Variants in NEB observed in about 807,000 individuals in gnomAD.
The protein encoded by NEB is nemaline myopathy type 2.
A neutral mutation model predicts 952.2 loss-of-function variants in NEB; 512 were observed. The observed-to-expected ratio is 0.54, with a 90% confidence interval of 0.50 to 0.58. The LOEUF is 0.58. Among genes scored for constraint, NEB ranks in the 20% least tolerant of loss-of-function variants. The pLI is 0.00. For missense variants in NEB, 8,428 were observed against 9,231.1 expected (o/e 0.91, Z 3.56); for synonymous variants, 2,900 against 3,149.8 (o/e 0.92, Z 2.66).
At chr2:151,532,050 G>C (rs2091438821) in intron 143 of NEB, 154 bp from the exon 144 acceptor site, 1 of 591,864 alleles carries the variant, frequency 1.7e-6, no homozygotes, top group African/African-American at 1.9e-5. Context: ...GTGTCTGATA[G>C]CAAAAGTGAA....
chr2:151,662,693 C>T (rs1284883066), intron 45 of NEB, among the ~76,000 whole-genome samples: 1 of 152,150 alleles, frequency 6.6e-6, no homozygotes, highest in African/African-American at 2.4e-5. Context: ...ACTATGCTGA[C>T]CTTTCTTATA....
intron 166 of NEB, 59 bp downstream of exon 166, chr2:151,503,290 G>T: frequency 8.1e-7 from 1 of 1,237,846 alleles, no homozygotes; most frequent in Non-Finnish European, 1.2e-6. Flanking sequence ...AAAAAAGATG[G>T]GTTATTGTGG....
At chr2:151,653,597 AT>A (rs1441123270) in intron 52 of NEB, among the ~76,000 whole-genome samples, 2 of 152,228 alleles carry the variant, frequency 1.3e-5, no homozygotes, top group Non-Finnish European at 2.9e-5. Context: ...AAATATGTGC[AT>A]ATAAAATCTA....
intron 48 of NEB, among the ~76,000 whole-genome samples, chr2:151,656,828 T>TA (rs1271982392): frequency 1.4e-5 from 2 of 145,440 alleles, no homozygotes; most frequent in Admixed American, 1.4e-4. Flanking sequence ...CTTTAGTAGG[T>TA]AAAAAGAACA....
intron 48 of NEB, among the ~76,000 whole-genome samples, chr2:151,657,525 G>T (rs1007257589): frequency 2.6e-5 from 4 of 152,128 alleles, no homozygotes; most frequent in Non-Finnish European, 5.9e-5. Flanking sequence ...CTGATATCAA[G>T]CCACCGATAG....
chr2:151,526,802 A>G (rs1576308636), intron 148 of NEB, 116 bp downstream of exon 148: 4 of 782,268 alleles, frequency 5.1e-6, no homozygotes, highest in East Asian at 5.4e-5. Flanking sequence ...CAGGACCCAT[A>G]CCTGAGCCCT....
intron 159 of NEB, among the ~76,000 whole-genome samples, 155 bp downstream of exon 159, chr2:151,514,163 T>C (rs1021850940): frequency 2.6e-5 from 4 of 152,238 alleles, no homozygotes; most frequent in Non-Finnish European, 4.4e-5. Context: ...GTATATTTTA[T>C]GTAATGGTTA....
intron 10 of NEB, among the ~76,000 whole-genome samples, chr2:151,714,808 G>A (rs1267230280): frequency 6.6e-6 from 1 of 152,158 alleles, no homozygotes; most frequent in Non-Finnish European, 1.5e-5. Flanking sequence ...AAGAAGATAT[G>A]ATCCTGCTGC....
chr2:151,576,516 A>ATTTTGTTTT (rs2096862875), intron 105 of NEB, among the ~76,000 whole-genome samples, 162 bp from the exon 106 acceptor site: 1 of 18,890 alleles, frequency 5.3e-5, no homozygotes, highest in Non-Finnish European at 8.9e-5. Flanking sequence ...ATATATATAT[A>ATTTTGTTTT]TTTTTTTTTT....
Position 151,491,805 on chromosome 2 carries a change from T to G in NEB, c.25058-30A>C, listed in dbSNP as rs536089037. On this transcript the variant is annotated intron_variant, in intron 178 of 181. Transcript: ENST00000397345. The stretch of plus-strand genomic sequence containing the variant: ...AAGGGAAACCAGTGATCAGAACAAG[T>G]GTTCTTGGAGTTTTCCAATAACTTG... 33 of 1,521,876 alleles carry G rather than the reference T, an allele frequency of 2.2e-5. No individual in the cohort carries two copies. The Middle Eastern group carries it at 6.8e-4, about 31-fold the overall frequency. 94.3% of individuals were successfully genotyped at this position (1,521,876 alleles called of 1,614,324 possible). A position where few individuals can be genotyped will look rare whatever the true frequency, so the allele number is the denominator to read the frequency against.
intron 46 of NEB, 45 bp from the exon 47 acceptor site, chr2:151,659,214 A>T: frequency 7.8e-7 from 1 of 1,284,318 alleles, no homozygotes; most frequent in Non-Finnish European, 1.1e-6. Flanking sequence ...TCTTAAAAGA[A>T]GCTCACTTAG....
At chr2:151,630,905 A>G (rs2098655154) in intron 66 of NEB, 86 bp from the exon 67 acceptor site, 1 of 1,282,816 alleles carries the variant, frequency 7.8e-7, no homozygotes, top group Non-Finnish European at 1.1e-6. Flanking sequence ...TACTGACCTA[A>G]TTAGGAAAAA....
At chr2:151,494,003 ATAGT>A (rs1239733930) in intron 174 of NEB, 136 bp from the exon 175 acceptor site, 1 of 874,050 alleles carries the variant, frequency 1.1e-6, no homozygotes, top group Non-Finnish European at 1.8e-6. Flanking sequence ...AAGCTTAAAA[ATAGT>A]TAATGGCTAC....
chr2:151,497,963 G>A, intron 170 of NEB: 4 of 1,434,126 alleles, frequency 2.8e-6, no homozygotes, highest in Non-Finnish European at 3.6e-6. Flanking sequence ...TTTCATTTTT[G>A]TGAGTACGGT....
intron 8 of NEB, among the ~76,000 whole-genome samples, chr2:151,723,727 C>G (rs1431274846): frequency 8.1e-6 from 1 of 123,066 alleles, no homozygotes; most frequent in East Asian, 2.3e-4. Flanking sequence ...CAACTTTTCT[C>G]TGTGACTCTA....
chr2:151,573,030 A>C (rs1469598288), intron 107 of NEB, among the ~76,000 whole-genome samples: 2 of 152,242 alleles, frequency 1.3e-5, no homozygotes, highest in East Asian at 3.8e-4. Context: ...TGAAGATTAC[A>C]TGAGTCACTT....
At chr2:151,655,176 G>T in intron 51 of NEB, 94 bp downstream of exon 51, 1 of 743,760 alleles carries the variant, frequency 1.3e-6, no homozygotes. Flanking sequence ...AACTTCCATT[G>T]CTTCAACATT....
At chr2:151,641,709 A>G (rs1048490314) in intron 60 of NEB, among the ~76,000 whole-genome samples, 1 of 152,104 alleles carries the variant, frequency 6.6e-6, no homozygotes, top group African/African-American at 2.4e-5. Context: ...TTTATTCTTA[A>G]ATTATGATTA....
chr2:151,501,247 T>C, intron 168 of NEB, 144 bp downstream of exon 168: 1 of 538,706 alleles, frequency 1.9e-6, no homozygotes, highest in Non-Finnish European at 3.3e-6. Flanking sequence ...GAGTAGGAGA[T>C]CTGGAAAACA....
Sources: gnomAD v4.1 joint callset for allele counts (sites outside exome capture counted in the v4.1 genomes callset) on GRCh38, gnomAD v4.1.1 for gene constraint, MANE v1.5 for transcripts, NCBI Gene and HGNC (gene_info 2026-07-23, HGNC 2026-07-21) for gene names.